ZNF697: variants seen among roughly 807,000 people sequenced by gnomAD.
The protein encoded by ZNF697 is zinc finger protein 697.
Under a neutral mutation model 32.4 loss-of-function variants are expected in ZNF697, and 23 were observed. The ratio of observed to expected loss-of-function variants is 0.71; its 90% CI spans 0.51 to 1.01. ZNF697 has a LOEUF of 1.01. Ranked by LOEUF, ZNF697 falls within the 50% of genes least tolerant of loss-of-function variation. The pLI, the probability that ZNF697 is intolerant of heterozygous loss-of-function variation, is 0.00. For missense variants in ZNF697, 930 were observed against 794.0 expected (o/e 1.17, Z -2.06); for synonymous variants, 418 against 337.2 (o/e 1.24, Z -2.62).
Position 119,622,665 on chromosome 1 carries a change from C to A in ZNF697, c.*40G>T, listed in dbSNP as rs113362272. The A allele has an allele frequency of 7.5e-4, 1,101 of 1,473,568 alleles. 1 individual carries two copies. The highest frequency in any genetic ancestry group is 9.2e-4 in the Non-Finnish European group (1,026 of 1,112,384). The allele number at this position is 1,473,568 out of a possible 1,614,324, so 91.3% of individuals were successfully genotyped here. A position where few individuals can be genotyped will look rare whatever the true frequency, so the allele number is the denominator to read the frequency against. On this transcript the variant is annotated 3_prime_UTR_variant, in exon 3 of 3. Transcript: ENST00000421812. Reference sequence around the variant, plus strand: ...GGTCAGTCCCAGGATATCTACCCCCCACAGGCTCCCCAGACGGCAGCCTCC... The same window carrying A: ...GGTCAGTCCCAGGATATCTACCCCCAACAGGCTCCCCAGACGGCAGCCTCC...
At chr1:119,626,616 A>G (rs587685109) in intron 1 of ZNF697, among the ~76,000 whole-genome samples, 1 of 152,338 alleles carries the variant, frequency 6.6e-6, no homozygotes, top group South Asian at 2.1e-4. Context: ...CAACCTTGCA[A>G]GTATTTTGGT....
chr1:119,626,312 G>A (rs1648587030), intron 1 of ZNF697, among the ~76,000 whole-genome samples, 175 bp from the exon 2 acceptor site: 1 of 152,164 alleles, frequency 6.6e-6, no homozygotes, highest in Non-Finnish European at 1.5e-5. Context: ...GGGTGGACTG[G>A]GTGGCAGAAG....
chr1:119,638,051 AT>A (rs1333704457), intron 1 of ZNF697, among the ~76,000 whole-genome samples: 4 of 152,224 alleles, frequency 2.6e-5, no homozygotes, highest in African/African-American at 7.2e-5. Context: ...ATTTAAAAAA[AT>A]CTTTAAAGAC....
At chr1:119,627,984 A>G (rs913163051) in intron 1 of ZNF697, among the ~76,000 whole-genome samples, 57 of 149,526 alleles carry the variant, frequency 3.8e-4, no homozygotes, top group African/African-American at 1.4e-3. Context: ...AATACACCTG[A>G]AAGTGGCTAG....
rs1648242187 is a variant in ZNF697, at chr1:119,619,460, TTGGTTGCTG to T, written c.*3236_*3244del. On this transcript the variant is annotated 3_prime_UTR_variant, in exon 3 of 3. Transcript: ENST00000421812. ...TGGATTTAATGACAAATATTCCATA[TTGGTTGCTG>T]AACACCAGAATGCTGTCCAAGGAAC... The T allele has an allele frequency of 6.6e-6, 1 of 152,258 alleles. No individual in the cohort carries two copies. The allele number at this position is 152,258 out of a possible 1,614,324, so 9.4% of individuals were successfully genotyped here.
In ZNF697 at chr1:119,623,075, T is replaced by C; in HGVS notation, c.1268A>G (p.His423Arg). The C allele has an allele frequency of 1.3e-6, 2 of 1,584,928 alleles. No individual in the cohort carries two copies. The highest frequency in any genetic ancestry group is 1.7e-6 in the Non-Finnish European group (2 of 1,165,998). The change falls in exon 3 of 3, where the codon CAC becomes CGC. Residue 423 changes from histidine to arginine, a missense_variant. Transcript: ENST00000421812. ...ECGETFSVSS[H>R]LFTHKRTHSG... is the part of the protein sequence containing the mutation. Reference sequence around the variant, plus strand: ...GTGCGTGCGCTTGTGCGTGAAGAGGTGCGAGCTGACGCTGAAGGTCTCGCC... The same window carrying C: ...GTGCGTGCGCTTGTGCGTGAAGAGGCGCGAGCTGACGCTGAAGGTCTCGCC...
At chr1:119,630,117 A>C (rs1392545301) in intron 1 of ZNF697, among the ~76,000 whole-genome samples, 1 of 152,220 alleles carries the variant, frequency 6.6e-6, no homozygotes, top group Non-Finnish European at 1.5e-5. Context: ...CTAATTCTAC[A>C]TCTGGTTGTA....
intron 1 of ZNF697, among the ~76,000 whole-genome samples, chr1:119,630,856 C>T (rs1346472657): frequency 2.0e-5 from 3 of 151,508 alleles, no homozygotes; most frequent in Non-Finnish European, 2.9e-5. Flanking sequence ...AGAAACAGGG[C>T]AAGACCCCAT....
At chr1:119,647,273 C>A (rs1242337599) in intron 1 of ZNF697, among the ~76,000 whole-genome samples, 2 of 152,172 alleles carry the variant, frequency 1.3e-5, no homozygotes, top group African/African-American at 4.8e-5. Context: ...CTCACCCGTG[C>A]CTCCATGCAC....
intron 1 of ZNF697, among the ~76,000 whole-genome samples, chr1:119,641,921 T>C (rs1649086577): frequency 6.6e-6 from 1 of 152,236 alleles, no homozygotes; most frequent in South Asian, 2.1e-4. Flanking sequence ...GTTTTGGGTA[T>C]TTCTTCATAG....
chr1:119,626,226 G>A (rs1648583279), intron 1 of ZNF697, 89 bp from the exon 2 acceptor site: 2 of 1,479,070 alleles, frequency 1.4e-6, no homozygotes, highest in African/African-American at 2.8e-5. Context: ...CTAATAAAAT[G>A]TATGGAGTTC....
At position 119,621,486 on chromosome 1, in the gene ZNF697, T is replaced by C. The variant is rs1648308668; in HGVS notation, c.*1219A>G. 6.5e-6 allele frequency: 1 copy of C among 152,680 alleles called. No individual in the cohort carries two copies. The highest frequency in any genetic ancestry group is 1.5e-5 in the Non-Finnish European group (1 of 68,050). 9.5% of individuals were successfully genotyped at this position (152,680 alleles called of 1,614,324 possible). ...CAGAAAACATTCATTGTTTGTGCTA[T>C]TTGGCAATTTTGCATTTACACCTCT... is the stretch of plus-strand genomic sequence containing the variant. On this transcript the variant is annotated 3_prime_UTR_variant, in exon 3 of 3. Coordinates refer to ENST00000421812, the MANE Select transcript of ZNF697 (RefSeq NM_001080470.2).
In ZNF697 at chr1:119,626,019, C is replaced by CA. The variant is rs774646258; in HGVS notation, c.81dup (p.Glu28Ter). On this transcript the variant is annotated frameshift_variant, in exon 2 of 3. Transcript: ENST00000421812. LOFTEE classifies it high-confidence loss of function. ...TCTTCTGGGTCCCCTTCCCTGTCCT[C>CA]AGAGTCCTCAAAATCAGAACCCATC... 1.2e-6 allele frequency: 2 copies of CA among 1,613,990 alleles called. No individual in the cohort carries two copies. Among genetic ancestry groups the CA allele is most frequent in the Non-Finnish European group, 1.7e-6 (2 of 1,179,884 alleles).
Position 119,623,573 on chromosome 1 carries a change from C to A in ZNF697, c.770G>T (p.Arg257Leu), listed in dbSNP as rs768577101. Residue 257 changes from arginine (R) to leucine (L), a missense_variant, in exon 3 of 3, where the codon CGC becomes CTC. By Grantham distance (102) the Arg-to-Leu change is moderately radical. Transcript: ENST00000421812. ...CTCCCCGCAGCGGAAGGGCTTTTCGCGCGGGGGCCGGGCCAGCGGGGGCCC... is the reference window on the plus strand; with the variant it reads ...CTCCCCGCAGCGGAAGGGCTTTTCGAGCGGGGGCCGGGCCAGCGGGGGCCC... ...GAGPPLARPP[R>L]EKPFRCGECG... is the part of the protein sequence containing the mutation. 4 of 1,480,046 alleles carry A rather than the reference C, an allele frequency of 2.7e-6. No homozygotes were observed. In the South Asian group the frequency reaches 5.2e-5, roughly 19 times the overall value. 91.7% of individuals were successfully genotyped at this position (1,480,046 alleles called of 1,614,324 possible).
intron 1 of ZNF697, among the ~76,000 whole-genome samples, chr1:119,644,198 C>T (rs906987487): frequency 4.1e-4 from 63 of 152,096 alleles, no homozygotes; most frequent in African/African-American, 1.5e-3. Flanking sequence ...AAAGGCTACC[C>T]AAAAGAAGTG....
intron 1 of ZNF697, among the ~76,000 whole-genome samples, chr1:119,633,119 T>C (rs1408357928): frequency 4.6e-5 from 7 of 152,174 alleles, no homozygotes; most frequent in Non-Finnish European, 4.4e-5. Flanking sequence ...TCGTTTAACC[T>C]TCTTTTACAG....
intron 1 of ZNF697, among the ~76,000 whole-genome samples, chr1:119,644,419 G>A (rs1193950261): frequency 6.6e-6 from 1 of 152,184 alleles, no homozygotes; most frequent in Non-Finnish European, 1.5e-5. Context: ...GCTTTTAGAA[G>A]CACAACATTA....
intron 1 of ZNF697, among the ~76,000 whole-genome samples, chr1:119,627,154 C>A (rs587749112): frequency 6.6e-6 from 1 of 152,378 alleles, no homozygotes; most frequent in African/African-American, 2.4e-5. Context: ...GGTCGAGGAT[C>A]TTGGACTGTA....
chr1:119,627,665 C>T (rs1287652554), intron 1 of ZNF697, among the ~76,000 whole-genome samples: 2 of 152,132 alleles, frequency 1.3e-5, no homozygotes, highest in African/African-American at 4.8e-5. Flanking sequence ...GACGATGATG[C>T]GCTCCCTCAA....
Sources: allele counts gnomAD v4.1 joint callset (sites outside exome capture counted in the v4.1 genomes callset), GRCh38; gene constraint gnomAD v4.1.1; transcripts MANE v1.5; gene names NCBI Gene and HGNC (gene_info 2026-07-23, HGNC 2026-07-21).